EAPP: variants seen among roughly 807,000 people sequenced by gnomAD.
EAPP encodes the protein E2F associated phosphoprotein, also known as E2F-associated phosphoprotein.
Under a neutral mutation model 34.3 loss-of-function variants are expected in EAPP, and 38 were observed. The ratio of observed to expected loss-of-function variants is 1.11; its 90% CI spans 0.85 to 1.45. EAPP has a LOEUF of 1.45. EAPP is among the 40% of genes most tolerant of loss of function. The probability of loss-of-function intolerance (pLI) is 0.00; values close to 1 mark genes in which losing one functional copy is unlikely to be tolerated. For missense variants in EAPP, 338 were observed against 343.7 expected (o/e 0.98, Z 0.13); for synonymous variants, 113 against 117.6 (o/e 0.96, Z 0.25).
intron 5 of EAPP, among the ~76,000 whole-genome samples, chr14:34,523,274 G>A (rs1462258979): frequency 4.9e-5 from 7 of 142,022 alleles, no homozygotes; most frequent in Admixed American, 3.8e-4. Context: ...GTCTCGCTCT[G>A]TTGCCCAGGC....
chr14:34,519,348 G>A (rs1459959114), intron 5 of EAPP, among the ~76,000 whole-genome samples: 5 of 152,030 alleles, frequency 3.3e-5, no homozygotes, highest in East Asian at 1.9e-4. Context: ...CAGCCTGACC[G>A]ATATGGTGAA....
intron 3 of EAPP, among the ~76,000 whole-genome samples, chr14:34,531,291 T>G (rs1045361252): frequency 7.9e-6 from 1 of 126,876 alleles, no homozygotes; most frequent in African/African-American, 3.0e-5. Context: ...GGTGACAGAG[T>G]GGGACTCTGC....
At chr14:34,537,223 C>T (rs144058238) in intron 1 of EAPP, among the ~76,000 whole-genome samples, 35 of 152,262 alleles carry the variant, frequency 2.3e-4, no homozygotes, top group South Asian at 4.1e-4. Context: ...GTTGCTCAGG[C>T]TGGTCTTGAA....
intron 1 of EAPP, among the ~76,000 whole-genome samples, chr14:34,536,882 CATAGATAGATAT>C (rs1301245410): frequency 2.6e-5 from 4 of 151,906 alleles, no homozygotes; most frequent in East Asian, 1.9e-4. Flanking sequence ...TCAAAAAATA[CATAGATAGATAT>C]ATAGATAGAT....
chr14:34,516,139 A>T lies in EAPP; in HGVS notation c.*171T>A. Reference sequence around the variant, plus strand: ...AGGGGGAAAATCAAAGAAAAAAAAAAGGAGAGGGTGAGAGATGTAAGAGAT... The same window carrying T: ...AGGGGGAAAATCAAAGAAAAAAAAATGGAGAGGGTGAGAGATGTAAGAGAT... On this transcript the variant is annotated 3_prime_UTR_variant, in exon 6 of 6. Coordinates refer to ENST00000250454, the MANE Select transcript of EAPP (RefSeq NM_018453.4). 1.8e-6 allele frequency: 1 copy of T among 554,536 alleles called. No homozygotes were observed. The highest frequency in any genetic ancestry group is 3.7e-5 in the Admixed American group (1 of 26,818). The allele number at this position is 554,536 out of a possible 1,614,324, so 34.4% of individuals were successfully genotyped here.
intron 5 of EAPP, 103 bp from the exon 6 acceptor site, chr14:34,516,689 C>T: frequency 8.5e-7 from 1 of 1,174,288 alleles, no homozygotes; most frequent in Non-Finnish European, 1.2e-6. Context: ...GAAATACCAA[C>T]CAAAGACAAG....
chr14:34,536,338 C>G (rs985155749), intron 1 of EAPP, 63 bp from the exon 2 acceptor site: 12 of 1,280,222 alleles, frequency 9.4e-6, no homozygotes, highest in Non-Finnish European at 4.2e-6. Flanking sequence ...TTTAAACTCC[C>G]AGCATCTCAC....
intron 1 of EAPP, among the ~76,000 whole-genome samples, chr14:34,537,088 G>A (rs1880504260): frequency 6.6e-6 from 1 of 152,058 alleles, no homozygotes; most frequent in African/African-American, 2.4e-5. Context: ...TTGGCTCACT[G>A]AAACTTCCGC....
rs1465125597 is a variant in EAPP at position 34,516,542 on chromosome 14, T to C, written c.626A>G (p.Asn209Ser). 1 of 1,614,048 alleles carries C rather than the reference T, an allele frequency of 6.2e-7. No homozygotes were observed. Reference protein sequence around the residue: ...KTQYRAMFVMNCSINKEEVLR... With the variant: ...KTQYRAMFVMSCSINKEEVLR... Reference sequence around the variant, plus strand: ...AACCTCCTCTTTGTTAATAGAACAATTCATTACAAACATTGCTCTATATTG... The same window carrying C: ...AACCTCCTCTTTGTTAATAGAACAACTCATTACAAACATTGCTCTATATTG... Residue 209 changes from asparagine (N) to serine (S), a missense_variant, in exon 6 of 6, where the codon AAT (asparagine) becomes AGT (serine). By Grantham distance (46) the Asn-to-Ser change is conservative. Coordinates refer to ENST00000250454, the MANE Select transcript of EAPP (RefSeq NM_018453.4).
intron 4 of EAPP, among the ~76,000 whole-genome samples, chr14:34,525,928 G>A (rs546211180): frequency 3.9e-5 from 6 of 152,120 alleles, no homozygotes; most frequent in Non-Finnish European, 5.9e-5. Context: ...GTTGAGGCAG[G>A]AGAATCGGTT....
At chr14:34,520,107 G>A (rs1879868641) in intron 5 of EAPP, among the ~76,000 whole-genome samples, 1 of 151,712 alleles carries the variant, frequency 6.6e-6, no homozygotes, top group African/African-American at 2.4e-5. Context: ...GGCTGGTCTC[G>A]AACTCCTGAC....
At chr14:34,518,549 T>G (rs1879813170) in intron 5 of EAPP, among the ~76,000 whole-genome samples, 1 of 152,016 alleles carries the variant, frequency 6.6e-6, no homozygotes, top group Non-Finnish European at 1.5e-5. Flanking sequence ...GCCAGGCTGG[T>G]CTCAATCTCC....
At position 34,533,058 on chromosome 14, in the gene EAPP, A is replaced by G. The variant is rs555540461; in HGVS notation, c.352+386T>C. Reference sequence around the variant, plus strand: ...TTATTTATTTATTTATTTATTTGAGACAGTCTCACTCTGTCGCCCAGGCTG... The same window carrying G: ...TTATTTATTTATTTATTTATTTGAGGCAGTCTCACTCTGTCGCCCAGGCTG... On this transcript the variant is annotated intron_variant, in intron 3 of 5. Coordinates refer to ENST00000250454, the MANE Select transcript of EAPP (RefSeq NM_018453.4). 2.7e-5 allele frequency among the ~76,000 whole-genome samples: 4 copies of G among 145,844 alleles called. No homozygotes were observed. The South Asian group carries it at 8.8e-4, about 32-fold the overall frequency.
chr14:34,530,467 T>C (rs1235318574), intron 3 of EAPP, among the ~76,000 whole-genome samples: 2 of 152,114 alleles, frequency 1.3e-5, no homozygotes, highest in African/African-American at 2.4e-5. Flanking sequence ...TCTGAGGATG[T>C]AGTGAGCTAT....
At chr14:34,518,325 A>ATTTTT (rs71404852) in intron 5 of EAPP, among the ~76,000 whole-genome samples, 820 of 74,078 alleles carry the variant, frequency 0.011, 202 homozygotes, top group African/African-American at 0.05. Flanking sequence ...CTCCCTTTAG[A>ATTTTT]TTTTTTTTTT....
intron 4 of EAPP, 131 bp from the exon 5 acceptor site, chr14:34,524,938 T>C (rs1880047241): frequency 1.5e-6 from 1 of 663,962 alleles, no homozygotes; most frequent in Middle Eastern, 2.9e-4. Context: ...GAACACAAGA[T>C]GAACCTGGAG....
chr14:34,524,657 ATGTG>A (rs367795110), intron 5 of EAPP, 36 bp downstream of exon 5: 110 of 854,572 alleles, frequency 1.3e-4, no homozygotes, highest in Middle Eastern at 2.3e-4. Context: ...CAAAATATGT[ATGTG>A]TGTGTGTGTG....
chr14:34,523,239 CTT>C (rs71453625), intron 5 of EAPP, among the ~76,000 whole-genome samples: 10 of 137,350 alleles, frequency 7.3e-5, no homozygotes, highest in Admixed American at 7.6e-5. Flanking sequence ...GAAAAGATAC[CTT>C]TTTTTTTTTT....
At chr14:34,520,020 G>C (rs1227521736) in intron 5 of EAPP, among the ~76,000 whole-genome samples, 1 of 151,030 alleles carries the variant, frequency 6.6e-6, no homozygotes, top group Non-Finnish European at 1.5e-5. Context: ...GAGTAAGCTT[G>C]GATTACAGGT....
Sources: allele counts gnomAD v4.1 joint callset (sites outside exome capture counted in the v4.1 genomes callset), GRCh38; gene constraint gnomAD v4.1.1; transcripts MANE v1.5; gene names NCBI Gene and HGNC (gene_info 2026-07-23, HGNC 2026-07-21).